PRPF8: variants seen among roughly 807,000 people sequenced by gnomAD.
PRPF8 encodes the protein pre-mRNA processing factor 8, also known as pre-mRNA-processing-splicing factor 8.
A neutral mutation model predicts 285.9 loss-of-function variants in PRPF8; 64 were observed. The ratio of observed to expected loss-of-function variants is 0.22; its 90% CI spans 0.18 to 0.28. The LOEUF is 0.28. Among genes scored for constraint, PRPF8 ranks in the 10% least tolerant of loss-of-function variants. The pLI is 1.00. For missense variants in PRPF8, 1,426 were observed against 3,026.7 expected (o/e 0.47, Z 12.41); for synonymous variants, 1,325 against 1,118.2 (o/e 1.18, Z -3.69).
Position 1,658,883 on chromosome 17 carries a change from T to C in PRPF8, c.5139-120A>G, listed in dbSNP as rs949863804. 8.1e-6 allele frequency: 7 copies of C among 865,036 alleles called. No homozygotes were observed. The highest frequency in any genetic ancestry group is 3.9e-5 in the Admixed American group (2 of 51,906). The allele number at this position is 865,036 out of a possible 1,614,324, so 53.6% of individuals were successfully genotyped here. ...CGCCAGGCTGACAACACTCTGCTCA[T>C]GTGTACATACAGGCTGGAGAAGAGA... On this transcript the variant is annotated intron_variant, in intron 32 of 42. Transcript: ENST00000304992. This position sits in a 1 kb window ranked among gnomAD's most constrained non-coding sequence, Gnocchi z 4.1.
chr17:1,681,359 C>A (rs145821456), intron 6 of PRPF8, 119 bp downstream of exon 6: 1 of 1,176,440 alleles, frequency 8.5e-7, no homozygotes, highest in Non-Finnish European at 1.3e-6. Context: ...GAGATTACAG[C>A]GTGAGCCACT....
chr17:1,655,347 C>T lies in PRPF8; in HGVS notation c.5987+3G>A. ...TGTCTGTGTCCCCACCAGCACTGCT[C>T]ACTTGTTTTTCTTGCCGTAGTCAGC... On this transcript the variant is annotated splice_donor_region_variant and intron_variant, in intron 37 of 42. Coordinates refer to ENST00000304992, the MANE Select transcript of PRPF8 (RefSeq NM_006445.4). 1 of 1,613,050 alleles carries T rather than the reference C, an allele frequency of 6.2e-7. No homozygotes were observed. The highest frequency in any genetic ancestry group is 8.5e-7 in the Non-Finnish European group (1 of 1,180,024).
chr17:1,666,668 A>C (rs1213185392), intron 24 of PRPF8, among the ~76,000 whole-genome samples: 1 of 152,242 alleles, frequency 6.6e-6, no homozygotes, highest in African/African-American at 2.4e-5. Flanking sequence ...CAAATGATAT[A>C]GTCAAGACTT....
intron 20 of PRPF8, among the ~76,000 whole-genome samples, chr17:1,674,885 C>T (rs1445834434): frequency 6.6e-6 from 1 of 152,188 alleles, no homozygotes; most frequent in Non-Finnish European, 1.5e-5. Flanking sequence ...GATTCTCCTG[C>T]CTCAGCCTCC....
In PRPF8 at chr17:1,653,129, A is replaced by T; in HGVS notation, c.6369+413T>A. 3.2e-6 allele frequency: 1 copy of T among 311,772 alleles called. No homozygotes were observed. The highest frequency in any genetic ancestry group is 6.2e-6 in the Non-Finnish European group (1 of 160,088). 19.3% of individuals were successfully genotyped at this position (311,772 alleles called of 1,614,324 possible). A position where few individuals can be genotyped will look rare whatever the true frequency, so the allele number is the denominator to read the frequency against. ...AATTTTTTGTATTTTTAGTAGAGACAGGGTTTCACCATATTGGTCAGGCTG... is the reference window on the plus strand; with the variant it reads ...AATTTTTTGTATTTTTAGTAGAGACTGGGTTTCACCATATTGGTCAGGCTG... On this transcript the variant is annotated intron_variant, in intron 39 of 42. Transcript: ENST00000304992. This position sits in a 1 kb window ranked among gnomAD's most constrained non-coding sequence, Gnocchi z 4.9.
At chr17:1,681,429 C>T (rs776381933) in intron 6 of PRPF8, 49 bp downstream of exon 6, 16 of 1,509,618 alleles carry the variant, frequency 1.1e-5, no homozygotes, top group Admixed American at 5.0e-5. Flanking sequence ...ATCAAGATTA[C>T]GTTTCATTCA....
At position 1,659,459 on chromosome 17, in the gene PRPF8, T is replaced by G. The variant is rs766521135; in HGVS notation, c.5036A>C (p.Tyr1679Ser). 6.2e-7 allele frequency: 1 copy of G among 1,614,036 alleles called. No homozygotes were observed. Among genetic ancestry groups the G allele is most frequent in the South Asian group, 1.1e-5 (1 of 91,058 alleles). ...GDYDSHDIER[Y>S]ARAKFLDYTT... is the part of the protein sequence containing the mutation. ...GTAGTCCAGGAACTTGGCCCGGGCG[T>G]AGCGCTCAATGTCGTGGGAATCATA... The change falls in exon 32 of 43, where the codon TAC (tyrosine) becomes TCC (serine). Residue 1679 changes from tyrosine to serine, a missense_variant. Physicochemically the swap from Tyr to Ser is moderately radical, Grantham distance 144 (BLOSUM62 -2). This residue lies in a region of PRPF8 where 74 missense variants were observed against 161.8 expected (regional missense o/e 0.46). Coordinates refer to ENST00000304992, the MANE Select transcript of PRPF8 (RefSeq NM_006445.4). The surrounding 1 kb of genome is among the most constrained non-coding windows in gnomAD (Gnocchi z 5.1).
Position 1,659,572 on chromosome 17 carries a change from T to C in PRPF8, c.4947-24A>G. ...CCCTGAGGATGAAGAGGGTTCAAGCTTCTAAGAAACCATGGGCATAACCAA... is the reference window on the plus strand; with the variant it reads ...CCCTGAGGATGAAGAGGGTTCAAGCCTCTAAGAAACCATGGGCATAACCAA... On this transcript the variant is annotated intron_variant, in intron 31 of 42. Transcript: ENST00000304992. The surrounding 1 kb of genome is among the most constrained non-coding windows in gnomAD (Gnocchi z 5.1). 6.2e-7 allele frequency: 1 copy of C among 1,610,616 alleles called. No individual in the cohort carries two copies. The highest frequency in any genetic ancestry group is 1.1e-5 in the South Asian group (1 of 91,062).
chr17:1,666,807 A>G (rs955416772), intron 24 of PRPF8, among the ~76,000 whole-genome samples: 1 of 152,144 alleles, frequency 6.6e-6, no homozygotes, highest in Non-Finnish European at 1.5e-5. Flanking sequence ...GTGAGATAAC[A>G]GCTCAAACCC....
rs536127267 is a variant in PRPF8 at position 1,671,111 on chromosome 17, A to T, written c.3774+1970T>A. 3.3e-5 allele frequency among the ~76,000 whole-genome samples: 5 copies of T among 152,154 alleles called. No homozygotes were observed. In the East Asian group the frequency reaches 9.7e-4, roughly 29 times the overall value. ...TACTCCAGCAAACCTTGAACTTTCC[A>T]TGGTCCCATGTACACAAGCTAGTTA... is the stretch of plus-strand genomic sequence containing the variant. On this transcript the variant is annotated intron_variant, in intron 24 of 42. Transcript: ENST00000304992.
Position 1,675,810 on chromosome 17 carries a change from C to T in PRPF8, c.2682G>A (p.Val894=). The T allele has an allele frequency of 3.1e-6, 5 of 1,614,130 alleles. No individual in the cohort carries two copies. Among genetic ancestry groups the T allele is most frequent in the Non-Finnish European group, 4.2e-6 (5 of 1,180,022 alleles). Residue 894 remains valine, a splice_region_variant and synonymous_variant, in exon 19 of 43, where the codon GTG becomes GTA. Coordinates refer to ENST00000304992, the MANE Select transcript of PRPF8 (RefSeq NM_006445.4). The surrounding 1 kb of genome is among the most constrained non-coding windows in gnomAD (Gnocchi z 6.0). ...TATACAGATCCATGAACTCAATGCC[C>T]ACCTGTGGGACAAGGAGGCTGGTTC... The part of the protein sequence containing the change: ...HLLTQRAFKE[V]GIEFMDLYSH...
At position 1,658,520 on chromosome 17, in the gene PRPF8, A is replaced by G. The variant is rs369576067; in HGVS notation, c.5376+6T>C. On this transcript the variant is annotated splice_donor_region_variant and intron_variant, in intron 33 of 42. Coordinates refer to ENST00000304992, the MANE Select transcript of PRPF8 (RefSeq NM_006445.4). The surrounding 1 kb of genome is among the most constrained non-coding windows in gnomAD (Gnocchi z 4.1). The stretch of plus-strand genomic sequence containing the variant: ...CCCGCACCTATACACTGCTGCTAAC[A>G]CTCACCTTGTGAATAGTCACTCTGT... 36 of 1,612,196 alleles carry G rather than the reference A, an allele frequency of 2.2e-5. No homozygotes were observed. The highest frequency in any genetic ancestry group is 1.6e-4 in the Middle Eastern group (1 of 6,080).
In PRPF8 at chr17:1,684,857, C is replaced by T. The variant is rs918031149; in HGVS notation, c.-89G>A. On this transcript the variant is annotated 5_prime_UTR_variant, in exon 1 of 43. Coordinates refer to ENST00000304992, the MANE Select transcript of PRPF8 (RefSeq NM_006445.4). ...GACTGCGTCCGCTCCGCGTTCCCAG[C>T]GCCGGGAAGTGCGCAACCCGAGTTC... is the stretch of plus-strand genomic sequence containing the variant. 5.0e-6 allele frequency: 3 copies of T among 596,170 alleles called. No homozygotes were observed. Among genetic ancestry groups the T allele is most frequent in the South Asian group, 4.0e-5 (2 of 50,234 alleles). 36.9% of individuals were successfully genotyped at this position (596,170 alleles called of 1,614,324 possible).
In PRPF8 at chr17:1,651,576, A is replaced by T. The variant is rs1240753144; in HGVS notation, c.6511-23T>A. 1 of 1,614,082 alleles carries T rather than the reference A, an allele frequency of 6.2e-7. No homozygotes were observed. Among genetic ancestry groups the T allele is most frequent in the Non-Finnish European group, 8.5e-7 (1 of 1,180,026 alleles). On this transcript the variant is annotated intron_variant, in intron 40 of 42. Transcript: ENST00000304992. This position sits in a 1 kb window ranked among gnomAD's most constrained non-coding sequence, Gnocchi z 5.1. ...CTCCTATAGGTAAAGAGGAGTACAGAGCTGAATCCCATCCACAGACAGGAA... is the reference window on the plus strand; with the variant it reads ...CTCCTATAGGTAAAGAGGAGTACAGTGCTGAATCCCATCCACAGACAGGAA...
At chr17:1,680,892 C>G in intron 7 of PRPF8, 37 bp downstream of exon 7, 1 of 1,614,166 alleles carries the variant, frequency 6.2e-7, no homozygotes, top group Non-Finnish European at 8.5e-7. Flanking sequence ...AAACAGCAGC[C>G]TTCTCCTTTC....
intron 34 of PRPF8, among the ~76,000 whole-genome samples, chr17:1,657,824 A>C (rs1236571954): frequency 6.7e-6 from 1 of 149,772 alleles, no homozygotes; most frequent in African/African-American, 2.5e-5. Context: ...AAAAAAAATT[A>C]GCCAGGCGTG....
chr17:1,680,496 G>A (rs1912854123), intron 8 of PRPF8: 2 of 604,762 alleles, frequency 3.3e-6, no homozygotes, highest in Non-Finnish European at 5.9e-6. Flanking sequence ...ATTATCTAGA[G>A]CACCCAAGAA....
chr17:1,663,055 T>A (rs893199473), intron 24 of PRPF8, among the ~76,000 whole-genome samples: 2 of 152,086 alleles, frequency 1.3e-5, no homozygotes, highest in Non-Finnish European at 2.9e-5. Context: ...ATGACAAAAA[T>A]ACTACTAAGA....
At position 1,660,597 on chromosome 17, in the gene PRPF8, T is replaced by G; in HGVS notation, c.4639-19A>C. ...CATATACCTGCCAGGAAAACGACAA[T>G]GTGACATTAGAGATCAAGAGACTCG... On this transcript the variant is annotated intron_variant, in intron 29 of 42. Coordinates refer to ENST00000304992, the MANE Select transcript of PRPF8 (RefSeq NM_006445.4). 3 of 1,614,126 alleles carry G rather than the reference T, an allele frequency of 1.9e-6. No individual in the cohort carries two copies. The highest frequency in any genetic ancestry group is 2.5e-6 in the Non-Finnish European group (3 of 1,180,030).
Sources: gnomAD v4.1 joint callset for allele counts (sites outside exome capture counted in the v4.1 genomes callset) on GRCh38, gnomAD v4.1.1 for gene constraint, gnomAD v4.1.1 regional missense constraint, Gnocchi (gnomAD v3.1) non-coding constraint, MANE v1.5 for transcripts, NCBI Gene and HGNC (gene_info 2026-07-23, HGNC 2026-07-21) for gene names.